The following KIF27 variants were observed in gnomAD, a reference collection of about 807,000 sequenced individuals.
KIF27 encodes the protein kinesin-like protein KIF27.
In KIF27, 84 loss-of-function variants were observed where a neutral mutation model predicts 141.8. The observed-to-expected ratio is 0.59, with a 90% CI of 0.50 to 0.71. KIF27 has a LOEUF of 0.71. KIF27 is among the 30% of genes least tolerant of loss of function. The pLI is 0.00. For missense variants in KIF27, 1,306 were observed against 1,628.4 expected (o/e 0.80, Z 3.41); for synonymous variants, 471 against 569.5 (o/e 0.83, Z 2.46).
chr9:83,891,549 A>C (rs765545769), intron 5 of KIF27, 48 bp from the exon 6 acceptor site: 2 of 1,485,506 alleles, frequency 1.3e-6, no homozygotes, highest in Non-Finnish European at 1.8e-6. Flanking sequence ...ACTTCAGTAC[A>C]TTTAGATTAT....
intron 17 of KIF27, chr9:83,837,754 A>G (rs1946056225): frequency 4.2e-6 from 1 of 238,228 alleles, no homozygotes; most frequent in South Asian, 7.2e-5. Flanking sequence ...TACTCCCTGG[A>G]AACATAAGAG....
In KIF27 at chr9:83,859,149, GACTT is replaced by G. The variant is rs757951697; in HGVS notation, c.3150+3_3150+6del. On this transcript the variant is annotated splice_donor_5th_base_variant and intron_variant, in intron 14 of 17. Transcript: ENST00000297814. ...AGCACCTCCAGTTCCAAAGAATACTGACTTACTTCAGGTGATAACACTCTACCAT... is the reference window on the plus strand; with the variant it reads ...AGCACCTCCAGTTCCAAAGAATACTGACTTCAGGTGATAACACTCTACCAT... The G allele has an allele frequency of 1.9e-6, 3 of 1,585,754 alleles. No individual in the cohort carries two copies. Among genetic ancestry groups the G allele is most frequent in the Non-Finnish European group, 2.6e-6 (3 of 1,154,378 alleles).
At position 83,915,380 on chromosome 9, in the gene KIF27, GACA is replaced by G; in HGVS notation, c.209_211del (p.Leu70del). ...AGTTGCATTATAGCCCTCAATGAGT[GACA>G]ACACTAGGGGCTTTATACATGTGTT... is the stretch of plus-strand genomic sequence containing the variant. On this transcript the variant is annotated inframe_deletion, in exon 2 of 18. Transcript: ENST00000297814. 6.2e-7 allele frequency: 1 copy of G among 1,613,814 alleles called. No homozygotes were observed. The highest frequency in any genetic ancestry group is 1.1e-5 in the South Asian group (1 of 91,062).
At chr9:83,911,227 A>C (rs115584773) in intron 2 of KIF27, among the ~76,000 whole-genome samples, 3,456 of 151,960 alleles carry the variant, frequency 0.023, 49 homozygotes, top group Middle Eastern at 0.082. Flanking sequence ...CCACCACATC[A>C]AGCTAATTTT....
At chr9:83,878,032 C>T (rs1347905462) in intron 11 of KIF27, among the ~76,000 whole-genome samples, 2 of 151,574 alleles carry the variant, frequency 1.3e-5, no homozygotes, top group East Asian at 1.9e-4. Context: ...GGCGTGGTGG[C>T]GGGTGCCTGT....
chr9:83,835,099 T>C lies in KIF27; in HGVS notation c.*1902A>G, dbSNP rs944431307. Reference sequence around the variant, plus strand: ...ATGCCTTAGTTAGAAATAATTAATTTACACATACTTGTTTTACTTATGGAA... The same window carrying C: ...ATGCCTTAGTTAGAAATAATTAATTCACACATACTTGTTTTACTTATGGAA... On this transcript the variant is annotated 3_prime_UTR_variant, in exon 18 of 18. Coordinates refer to ENST00000297814, the MANE Select transcript of KIF27 (RefSeq NM_017576.4). Among the ~76,000 whole-genome samples, 4 of 150,008 alleles carry C rather than the reference T, an allele frequency of 2.7e-5. No individual in the cohort carries two copies. Among genetic ancestry groups the C allele is most frequent in the Non-Finnish European group, 4.4e-5 (3 of 67,528 alleles).
At chr9:83,916,186 C>T (rs1348294038) in intron 1 of KIF27, among the ~76,000 whole-genome samples, 1 of 152,032 alleles carries the variant, frequency 6.6e-6, no homozygotes, top group Non-Finnish European at 1.5e-5. Flanking sequence ...GCGCCCGCCA[C>T]CACACCCAGC....
intron 1 of KIF27, among the ~76,000 whole-genome samples, chr9:83,918,969 G>C (rs904730223): frequency 6.6e-6 from 1 of 152,006 alleles, no homozygotes; most frequent in Non-Finnish European, 1.5e-5. Flanking sequence ...CCAGCTACTA[G>C]GGAAGCTGAG....
intron 3 of KIF27, among the ~76,000 whole-genome samples, chr9:83,904,677 A>C (rs979857505): frequency 6.6e-6 from 1 of 152,110 alleles, no homozygotes; most frequent in African/African-American, 2.4e-5. Context: ...GGCCTAGATT[A>C]ATCTTTTATA....
chr9:83,906,874 T>A (rs1384167626), intron 3 of KIF27, among the ~76,000 whole-genome samples: 3 of 151,612 alleles, frequency 2.0e-5, no homozygotes, highest in African/African-American at 7.3e-5. Context: ...CAAATTACCA[T>A]ATAAACATGA....
intron 16 of KIF27, among the ~76,000 whole-genome samples, chr9:83,848,207 TG>T (rs1947835068): frequency 5.1e-5 from 3 of 58,400 alleles, no homozygotes; most frequent in South Asian, 5.3e-4. Context: ...ATATCAGATA[TG>T]ATATATATGA....
rs1487349215 is a variant in KIF27 at position 83,904,030 on chromosome 9, A to G, written c.500-12T>C. ...GGCCCCAACAATCACTTAAAATAGTAATAACATGTTTTTAAGCCAAGTTTT... is the reference window on the plus strand; with the variant it reads ...GGCCCCAACAATCACTTAAAATAGTGATAACATGTTTTTAAGCCAAGTTTT... On this transcript the variant is annotated splice_polypyrimidine_tract_variant and intron_variant, in intron 3 of 17. Coordinates refer to ENST00000297814, the MANE Select transcript of KIF27 (RefSeq NM_017576.4). The G allele has an allele frequency of 2.6e-6, 4 of 1,564,248 alleles. No homozygotes were observed. The highest frequency in any genetic ancestry group is 3.5e-6 in the Non-Finnish European group (4 of 1,155,118).
chr9:83,891,429 C>G lies in KIF27; in HGVS notation c.1675G>C (p.Val559Leu), dbSNP rs183482711. Residue 559 changes from valine to leucine, a missense_variant, in exon 6 of 18, where the codon GTG becomes CTG. Val to Leu is a conservative substitution (Grantham distance 32). Coordinates refer to ENST00000297814, the MANE Select transcript of KIF27 (RefSeq NM_017576.4). ...SEELTKLNLS[V>L]TSSAKENCGD... ...CAATTTTCTTTAGCTGAAGAAGTCA[C>G]TGACAGGTTAAGTTTTGTTAGTTCT... 9 of 1,613,886 alleles carry G rather than the reference C, an allele frequency of 5.6e-6. No individual in the cohort carries two copies. The Admixed American group carries it at 1.5e-4, about 27-fold the overall frequency.
intron 1 of KIF27, among the ~76,000 whole-genome samples, chr9:83,919,090 A>T (rs1482806247): frequency 1.3e-5 from 2 of 152,062 alleles, no homozygotes; most frequent in Non-Finnish European, 2.9e-5. Flanking sequence ...ACAAACAAAC[A>T]AACAACAACC....
chr9:83,842,541 C>T (rs1388393078), intron 16 of KIF27, 140 bp from the exon 17 acceptor site: 1 of 1,118,744 alleles, frequency 8.9e-7, no homozygotes, highest in African/African-American at 1.6e-5. Flanking sequence ...GCTCGGCTCA[C>T]TGTAAGCTCC....
chr9:83,896,717 A>G (rs527901481), intron 5 of KIF27, among the ~76,000 whole-genome samples: 1 of 152,230 alleles, frequency 6.6e-6, no homozygotes, highest in Non-Finnish European at 1.5e-5. Flanking sequence ...TAATGTATAC[A>G]TACATCAAAA....
intron 5 of KIF27, among the ~76,000 whole-genome samples, chr9:83,896,920 G>C (rs1361079701): frequency 1.3e-5 from 2 of 152,120 alleles, no homozygotes; most frequent in Admixed American, 1.3e-4. Context: ...CTGAGGAAAG[G>C]AGGAAAATGA....
chr9:83,842,756 G>A (rs539068167), intron 16 of KIF27, among the ~76,000 whole-genome samples: 4 of 152,232 alleles, frequency 2.6e-5, no homozygotes, highest in South Asian at 2.1e-4. Context: ...ATGAGCCACC[G>A]TGCCCGGCTG....
At chr9:83,863,246 C>G (rs1283949034) in intron 13 of KIF27, among the ~76,000 whole-genome samples, 1 of 152,144 alleles carries the variant, frequency 6.6e-6, no homozygotes, top group East Asian at 1.9e-4. Flanking sequence ...GCATCCCTGT[C>G]TTGTGCCAGT....
Sources: allele counts gnomAD v4.1 joint callset (sites outside exome capture counted in the v4.1 genomes callset), GRCh38; gene constraint gnomAD v4.1.1; transcripts MANE v1.5; gene names NCBI Gene and HGNC (gene_info 2026-07-23, HGNC 2026-07-21).